Variants in CIMAP3 observed in about 807,000 individuals in gnomAD.
CIMAP3 encodes the protein ciliary microtubule associated protein 3.
the CIMAP3 span, among the ~76,000 whole-genome samples, chr1:111,345,754 T>C: frequency 6.6e-6 from 1 of 152,120 alleles, no homozygotes; most frequent in Non-Finnish European, 1.5e-5. Context: ...CCTAAAGCCA[T>C]CCTAAAAATC....
At chr1:111,326,766 T>G in the CIMAP3 span, among the ~76,000 whole-genome samples, 6 of 152,190 alleles carry the variant, frequency 3.9e-5, no homozygotes, top group Non-Finnish European at 7.4e-5. Context: ...ACTTTTAGTC[T>G]TTTTAATAAT....
At chr1:111,351,508 C>T in the CIMAP3 span, 1 of 455,350 alleles carries the variant, frequency 2.2e-6, no homozygotes. Context: ...GTGCTATCTC[C>T]ATCTACTGAC....
chr1:111,350,544 A>T, the CIMAP3 span, among the ~76,000 whole-genome samples: 1 of 152,208 alleles, frequency 6.6e-6, no homozygotes, highest in East Asian at 1.9e-4. Flanking sequence ...TGCAGGTTTC[A>T]CTACTGGAAT....
At chr1:111,336,879 C>G in the CIMAP3 span, among the ~76,000 whole-genome samples, 2 of 151,822 alleles carry the variant, frequency 1.3e-5, no homozygotes, top group South Asian at 2.1e-4. Context: ...AAGAGCAACT[C>G]CAAGACACAT....
chr1:111,335,617 C>A, the CIMAP3 span, among the ~76,000 whole-genome samples: 1 of 152,232 alleles, frequency 6.6e-6, no homozygotes, highest in Non-Finnish European at 1.5e-5. Flanking sequence ...AGTCTGACAT[C>A]AAACTGCAAG....
At chr1:111,345,910 TA>T in the CIMAP3 span, among the ~76,000 whole-genome samples, 1 of 152,230 alleles carries the variant, frequency 6.6e-6, no homozygotes, top group South Asian at 2.1e-4. Context: ...TGAACTGTTT[TA>T]ATCCCGTCAT....
chr1:111,329,551 ATATATATAAT>A, the CIMAP3 span, among the ~76,000 whole-genome samples: 3 of 54,180 alleles, frequency 5.5e-5, no homozygotes, highest in Non-Finnish European at 1.1e-4. Flanking sequence ...ATATATATAT[ATATATATAAT>A]TTTTTTTTTT....
chr1:111,331,680 G>A, the CIMAP3 span, among the ~76,000 whole-genome samples: 668 of 150,320 alleles, frequency 4.4e-3, 2 homozygotes, highest in Non-Finnish European at 7.0e-3. Flanking sequence ...ATTCTTTTTT[G>A]GGGGGGGCAT....
the CIMAP3 span, among the ~76,000 whole-genome samples, chr1:111,326,031 C>T: frequency 6.6e-6 from 1 of 151,992 alleles, no homozygotes; most frequent in Admixed American, 6.6e-5. Flanking sequence ...TTTACTGATG[C>T]ATTATATTTT....
chr1:111,347,637 T>TTTGG, the CIMAP3 span: 4 of 1,188,996 alleles, frequency 3.4e-6, no homozygotes, highest in Non-Finnish European at 3.6e-6. Flanking sequence ...TTTTTTTTTT[T>TTTGG]GGTGTTTTTG....
At chr1:111,331,901 G>A in the CIMAP3 span, among the ~76,000 whole-genome samples, 2 of 152,182 alleles carry the variant, frequency 1.3e-5, no homozygotes, top group Admixed American at 1.3e-4. Flanking sequence ...TCAGTTCAGG[G>A]AGGGTGCATT....
chr1:111,348,391 G>C, the CIMAP3 span: 1 of 1,017,628 alleles, frequency 9.8e-7, no homozygotes. Flanking sequence ...TGTAGCTTGA[G>C]GTGGCTGAAC....
chr1:111,338,748 G>C, the CIMAP3 span, among the ~76,000 whole-genome samples: 2 of 152,032 alleles, frequency 1.3e-5, no homozygotes, highest in South Asian at 4.2e-4. Flanking sequence ...GGACCAGATG[G>C]ATTCACAGCC....
At chr1:111,326,586 T>A in the CIMAP3 span, among the ~76,000 whole-genome samples, 1 of 152,170 alleles carries the variant, frequency 6.6e-6, no homozygotes, top group East Asian at 1.9e-4. Flanking sequence ...ACTGCTGCAA[T>A]AAACACACAA....
At chr1:111,350,284 AG>A in the CIMAP3 span, 1 of 1,326,810 alleles carries the variant, frequency 7.5e-7, no homozygotes, top group Non-Finnish European at 1.1e-6. Flanking sequence ...CATAGGTATT[AG>A]GGACTCTTAA....
chr1:111,330,003 T>C, the CIMAP3 span, among the ~76,000 whole-genome samples: 1 of 88,626 alleles, frequency 1.1e-5, no homozygotes, highest in Non-Finnish European at 2.2e-5. Context: ...TGTGATTGCA[T>C]TGTGAAATTC....
the CIMAP3 span, among the ~76,000 whole-genome samples, chr1:111,333,244 C>G: frequency 1.3e-5 from 2 of 152,314 alleles, no homozygotes; most frequent in East Asian, 3.9e-4. Flanking sequence ...CTGTGCAGGA[C>G]CAGCATCACA....
At chr1:111,326,462 A>G in the CIMAP3 span, among the ~76,000 whole-genome samples, 1 of 152,146 alleles carries the variant, frequency 6.6e-6, no homozygotes, top group Non-Finnish European at 1.5e-5. Flanking sequence ...CCATGTTGCT[A>G]CAAGTGACGT....
chr1:111,331,900 G>A, the CIMAP3 span, among the ~76,000 whole-genome samples: 2 of 152,090 alleles, frequency 1.3e-5, no homozygotes, highest in African/African-American at 4.8e-5. Context: ...GTCAGTTCAG[G>A]GAGGGTGCAT....
Sources: gnomAD v4.1 joint callset for allele counts (sites outside exome capture counted in the v4.1 genomes callset) on GRCh38, gnomAD v4.1.1 for gene constraint, MANE v1.5 for transcripts, NCBI Gene and HGNC (gene_info 2026-07-23, HGNC 2026-07-21) for gene names.